The following EIF4G3 variants were observed in gnomAD, a reference collection of about 807,000 sequenced individuals.
The protein encoded by EIF4G3 is eukaryotic translation initiation factor 4 gamma 3, also known as eIF-4-gamma 3.
EIF4G3 carries 34 observed loss-of-function variants against 186.4 expected under a neutral mutation model. That is an observed-to-expected ratio of 0.18 (90% confidence interval 0.14 to 0.24). The LOEUF (loss-of-function observed/expected upper bound fraction) is 0.24, where lower values mean the gene tolerates loss of function less well. Among genes scored for constraint, EIF4G3 ranks in the 10% least tolerant of loss-of-function variants. The pLI is 1.00. For synonymous variants in EIF4G3, 673 were observed against 679.5 expected (o/e 0.99, Z 0.15); for missense variants, 1,536 against 1,948.5 (o/e 0.79, Z 3.99).
chr1:20,813,107 A>G, intron 35 of EIF4G3, 51 bp downstream of exon 35: 1 of 1,259,348 alleles, frequency 7.9e-7, no homozygotes, highest in South Asian at 1.2e-5. Context: ...TTAGTAGTTG[A>G]CATAATGGGG....
chr1:21,105,496 A>G (rs1292323439), intron 2 of EIF4G3, among the ~76,000 whole-genome samples: 3 of 151,918 alleles, frequency 2.0e-5, no homozygotes, highest in Admixed American at 6.6e-5. Context: ...TATCTATATA[A>G]ACAAACCTGC....
intron 14 of EIF4G3, among the ~76,000 whole-genome samples, chr1:20,914,691 T>G (rs764494965): frequency 6.6e-6 from 1 of 152,222 alleles, no homozygotes; most frequent in Non-Finnish European, 1.5e-5. Context: ...CGGTTCAAAA[T>G]ATTTTATAAT....
intron 10 of EIF4G3, among the ~76,000 whole-genome samples, chr1:20,979,120 C>A (rs1478605282): frequency 1.3e-5 from 2 of 152,072 alleles, no homozygotes; most frequent in East Asian, 1.9e-4. Context: ...CTAATTTTAT[C>A]CCTTATTATT....
intron 20 of EIF4G3, among the ~76,000 whole-genome samples, chr1:20,870,237 T>C (rs1208328754): frequency 6.6e-6 from 1 of 152,108 alleles, no homozygotes; most frequent in Non-Finnish European, 1.5e-5. Flanking sequence ...TCTCGGTGTC[T>C]CTTCCTATTC....
At chr1:20,977,482 C>T (rs767932687) in intron 10 of EIF4G3, among the ~76,000 whole-genome samples, 27 of 152,234 alleles carry the variant, frequency 1.8e-4, no homozygotes, top group African/African-American at 5.1e-4. Flanking sequence ...CCACCACACC[C>T]GGCCTTTTTA....
At chr1:20,924,034 T>A (rs984011878) in intron 14 of EIF4G3, among the ~76,000 whole-genome samples, 1 of 152,166 alleles carries the variant, frequency 6.6e-6, no homozygotes, top group Non-Finnish European at 1.5e-5. Flanking sequence ...ATTTATCACA[T>A]CTCTTTTGGC....
In EIF4G3 at chr1:20,825,338, T is replaced by C. The variant is rs534538551; in HGVS notation, c.4270-140A>G. ...AAATCAAAACGTTTCCAGCAGGGCA[T>C]GGTGGTGCACACCTGTATAGTCCTA... On this transcript the variant is annotated intron_variant, in intron 32 of 36. Coordinates refer to ENST00000602326, the MANE Select transcript of EIF4G3 (RefSeq NM_001391906.1). The C allele has an allele frequency of 1.1e-4, 71 of 638,968 alleles. No homozygotes were observed. In the East Asian group the frequency reaches 1.3e-3, roughly 12 times the overall value. 39.6% of individuals were successfully genotyped at this position (638,968 alleles called of 1,614,324 possible).
intron 29 of EIF4G3, among the ~76,000 whole-genome samples, chr1:20,841,977 C>T (rs985986710): frequency 2.0e-5 from 3 of 149,884 alleles, no homozygotes; most frequent in Admixed American, 1.3e-4. Flanking sequence ...TCACCACTGC[C>T]GCTTTTTCCT....
chr1:20,871,627 A>G (rs1345099900), intron 20 of EIF4G3, among the ~76,000 whole-genome samples: 2 of 152,240 alleles, frequency 1.3e-5, no homozygotes, highest in Non-Finnish European at 2.9e-5. Flanking sequence ...TGTTGTATAC[A>G]GTAGATCTTT....
rs150079574 is a variant in EIF4G3, at chr1:21,105,729, C to T, written c.-271-16516G>A. Among the ~76,000 whole-genome samples the T allele has an allele frequency of 1.6e-4, 25 of 152,204 alleles. No homozygotes were observed. The East Asian group carries it at 4.8e-3, about 29-fold the overall frequency. ...AAGAACATTCCAGGAAGGTAGGCATCTGGGGTACAGGTTTTAGGTGGGAAA... is the reference window on the plus strand; with the variant it reads ...AAGAACATTCCAGGAAGGTAGGCATTTGGGGTACAGGTTTTAGGTGGGAAA... On this transcript the variant is annotated intron_variant, in intron 2 of 36. Transcript: ENST00000602326.
intron 13 of EIF4G3, among the ~76,000 whole-genome samples, chr1:20,946,889 T>G (rs751572693): frequency 6.6e-6 from 1 of 152,048 alleles, no homozygotes; most frequent in African/African-American, 2.4e-5. Flanking sequence ...AACATGAGAT[T>G]GTGTAACTGA....
intron 14 of EIF4G3, among the ~76,000 whole-genome samples, chr1:20,916,141 C>T (rs1371574684): frequency 6.6e-6 from 1 of 151,930 alleles, no homozygotes; most frequent in Non-Finnish European, 1.5e-5. Flanking sequence ...ATACAAAAAA[C>T]CTATACACTA....
chr1:21,165,977 A>G (rs141343595), intron 2 of EIF4G3, among the ~76,000 whole-genome samples: 599 of 151,526 alleles, frequency 4.0e-3, no homozygotes, highest in Non-Finnish European at 6.1e-3. Context: ...CTCCATTCCA[A>G]GCACACAGAT....
At chr1:21,114,075 G>A (rs555064705) in intron 2 of EIF4G3, among the ~76,000 whole-genome samples, 6 of 151,636 alleles carry the variant, frequency 4.0e-5, no homozygotes, top group Non-Finnish European at 7.4e-5. Flanking sequence ...AGTCTATTAA[G>A]TATTGGAAAG....
rs1318481922 is a variant in EIF4G3, at chr1:20,942,299, C to T, written c.855G>A (p.Lys285=). ...CTAGCCTAAGGACTGGGGAAGGAGA[C>T]TTTAACACTGGATCTGGTTTTGGCT... is the stretch of plus-strand genomic sequence containing the variant. ...EEKPKPDPVL[K]SPSPVLRLVL... Residue 285 remains lysine (K), a synonymous_variant, in exon 14 of 37, where the codon AAG becomes AAA. Coordinates refer to ENST00000602326, the MANE Select transcript of EIF4G3 (RefSeq NM_001391906.1). 33 of 1,589,448 alleles carry T rather than the reference C, an allele frequency of 2.1e-5. No homozygotes were observed. The highest frequency in any genetic ancestry group is 2.6e-5 in the Non-Finnish European group (30 of 1,171,370).
At chr1:20,966,199 G>T (rs1328859609) in intron 12 of EIF4G3, among the ~76,000 whole-genome samples, 1 of 152,136 alleles carries the variant, frequency 6.6e-6, no homozygotes, top group African/African-American at 2.4e-5. Context: ...ACTCAAAGCA[G>T]GTACTTTAAG....
intron 2 of EIF4G3, among the ~76,000 whole-genome samples, chr1:21,129,023 C>T (rs996570012): frequency 1.3e-5 from 2 of 152,030 alleles, no homozygotes; most frequent in East Asian, 1.9e-4. Context: ...GGTTGTAATA[C>T]AAAAAATCTG....
chr1:21,089,942 G>T (rs960564), intron 2 of EIF4G3, among the ~76,000 whole-genome samples: 50,910 of 151,962 alleles, frequency 0.34, 9,253 homozygotes, highest in Non-Finnish European at 0.41. Context: ...ATCATTGGAT[G>T]TTTCTTTCCC....
intron 8 of EIF4G3, among the ~76,000 whole-genome samples, chr1:20,981,578 A>G (rs554417973): frequency 7.2e-6 from 1 of 138,344 alleles, no homozygotes; most frequent in Non-Finnish European, 1.6e-5. Flanking sequence ...ATACGCACAT[A>G]CTGTATGTAT....
Sources: gnomAD v4.1 joint callset for allele counts (sites outside exome capture counted in the v4.1 genomes callset) on GRCh38, gnomAD v4.1.1 for gene constraint, MANE v1.5 for transcripts, NCBI Gene and HGNC (gene_info 2026-07-23, HGNC 2026-07-21) for gene names.